SIN3A: variants seen among roughly 807,000 people sequenced by gnomAD.
The protein encoded by SIN3A is paired amphipathic helix protein Sin3a.
SIN3A carries 14 observed loss-of-function variants against 146.1 expected under a neutral mutation model. That is an observed-to-expected ratio of 0.10 (90% confidence interval 0.06 to 0.15). The LOEUF is 0.15. SIN3A is among the 10% of genes least tolerant of loss of function. The probability of loss-of-function intolerance (pLI) is 1.00; values close to 1 mark genes in which losing one functional copy is unlikely to be tolerated. For synonymous variants in SIN3A, 572 were observed against 572.0 expected (o/e 1.00, Z 0.00); for missense variants, 1,028 against 1,576.0 (o/e 0.65, Z 5.89).
At chr15:75,377,283 A>G (rs1312732446) in intron 19 of SIN3A, among the ~76,000 whole-genome samples, 1 of 152,134 alleles carries the variant, frequency 6.6e-6, no homozygotes, top group Non-Finnish European at 1.5e-5. Context: ...TGAACTTCAC[A>G]CTGACCATAC....
chr15:75,384,249 C>T lies in SIN3A; in HGVS notation c.3195+15G>A, dbSNP rs1322885440. 6.3e-7 allele frequency: 1 copy of T among 1,587,546 alleles called. No homozygotes were observed. Among genetic ancestry groups the T allele is most frequent in the Non-Finnish European group, 8.6e-7 (1 of 1,165,372 alleles). ...TGTCACCAGCAAGGTCTTCGACTACCTGACCAACTCTCACCTTAAAGCAAT... is the reference window on the plus strand; with the variant it reads ...TGTCACCAGCAAGGTCTTCGACTACTTGACCAACTCTCACCTTAAAGCAAT... On this transcript the variant is annotated intron_variant, in intron 17 of 20. Coordinates refer to ENST00000394947, the MANE Select transcript of SIN3A (RefSeq NM_001145358.2).
intron 8 of SIN3A, among the ~76,000 whole-genome samples, 160 bp downstream of exon 8, chr15:75,409,676 G>A (rs536064871): frequency 1.3e-5 from 2 of 152,046 alleles, no homozygotes; most frequent in South Asian, 2.1e-4. Context: ...GCAGTGAGCC[G>A]AGATCGTGCC....
intron 15 of SIN3A, among the ~76,000 whole-genome samples, chr15:75,391,613 A>C (rs1024202777): frequency 2.0e-5 from 3 of 152,190 alleles, no homozygotes; most frequent in Non-Finnish European, 4.4e-5. Context: ...CAAGTACCTA[A>C]TTTATGACGT....
chr15:75,444,722 TTACTACTGTAGG>T (rs2074274889), intron 1 of SIN3A, among the ~76,000 whole-genome samples: 1 of 152,186 alleles, frequency 6.6e-6, no homozygotes, highest in Admixed American at 6.5e-5. Context: ...CAGACATTTC[TTACTACTGTAGG>T]TAGAAAATGA....
chr15:75,399,858 G>A (rs1444061811), intron 12 of SIN3A, among the ~76,000 whole-genome samples, 182 bp downstream of exon 12: 2 of 152,202 alleles, frequency 1.3e-5, no homozygotes, highest in Non-Finnish European at 2.9e-5. Context: ...TTGCCATAAA[G>A]CATGTACTAA....
chr15:75,393,529 C>A (rs1276162598), intron 14 of SIN3A, among the ~76,000 whole-genome samples: 1 of 152,082 alleles, frequency 6.6e-6, no homozygotes, highest in Non-Finnish European at 1.5e-5. Context: ...AAGTGCACCA[C>A]CATGCCAGGC....
At position 75,392,275 on chromosome 15, in the gene SIN3A, T is replaced by G; in HGVS notation, c.2818A>C (p.Ser940Arg). The G allele has an allele frequency of 1.2e-6, 2 of 1,614,058 alleles. No homozygotes were observed. The highest frequency in any genetic ancestry group is 1.7e-6 in the Non-Finnish European group (2 of 1,179,892). ...VLGIKRDKSD[S>R]PAIQLRLKEP... is the part of the protein sequence containing the mutation. ...TTGAGACGTAGCTGAATGGCAGGGC[T>G]GTCACTCTTGTCTCGCTTTATGCCC... Residue 940 changes from serine (S) to arginine (R), a missense_variant, in exon 15 of 21, where the codon AGC becomes CGC. Ser to Arg is a moderately radical substitution (Grantham distance 110). Around this residue, in one of 9 missense-constraint regions of SIN3A, gnomAD observed 488 missense variants for 690.2 expected, o/e 0.71. Transcript: ENST00000394947.
chr15:75,417,778 T>C (rs1432946318), intron 3 of SIN3A, among the ~76,000 whole-genome samples: 1 of 152,216 alleles, frequency 6.6e-6, no homozygotes, highest in Non-Finnish European at 1.5e-5. Context: ...ACAAAATTCT[T>C]ACATCGAAAC....
chr15:75,442,203 T>C (rs977975086), intron 1 of SIN3A, among the ~76,000 whole-genome samples: 1 of 149,708 alleles, frequency 6.7e-6, no homozygotes, highest in Non-Finnish European at 1.5e-5. Flanking sequence ...ACCATCTTTA[T>C]ACATATACGT....
intron 9 of SIN3A, among the ~76,000 whole-genome samples, chr15:75,403,448 A>G (rs1198537923): frequency 1.3e-4 from 20 of 151,968 alleles, no homozygotes; most frequent in Non-Finnish European, 1.3e-4. Flanking sequence ...AAATACCATA[A>G]TAACAATTTA....
At chr15:75,427,105 G>A (rs2073938035) in intron 2 of SIN3A, among the ~76,000 whole-genome samples, 1 of 152,218 alleles carries the variant, frequency 6.6e-6, no homozygotes, top group African/African-American at 2.4e-5. Context: ...GGGTGCAGTG[G>A]CTCACACCTG....
intron 5 of SIN3A, 114 bp from the exon 6 acceptor site, chr15:75,411,857 G>A: frequency 8.6e-7 from 1 of 1,166,336 alleles, no homozygotes; most frequent in African/African-American, 1.5e-5. Flanking sequence ...TACTCACTCA[G>A]GCCAGGTCAT....
At chr15:75,408,230 G>A (rs1172346161) in intron 8 of SIN3A, among the ~76,000 whole-genome samples, 1 of 152,194 alleles carries the variant, frequency 6.6e-6, no homozygotes, top group African/African-American at 2.4e-5. Context: ...CAAGCATGGA[G>A]TGTATCTACT....
intron 1 of SIN3A, among the ~76,000 whole-genome samples, chr15:75,438,699 A>G (rs1380845122): frequency 2.0e-5 from 3 of 152,146 alleles, no homozygotes; most frequent in Non-Finnish European, 4.4e-5. Context: ...AAAAAAACAA[A>G]AGTCTATCCT....
At chr15:75,385,475 C>G (rs2073060419) in intron 16 of SIN3A, among the ~76,000 whole-genome samples, 3 of 152,176 alleles carry the variant, frequency 2.0e-5, no homozygotes, top group African/African-American at 7.2e-5. Flanking sequence ...TCTTAGGAAA[C>G]TAATGACTAG....
Position 75,392,682 on chromosome 15 carries a change from A to G in SIN3A, c.2411T>C (p.Ile804Thr). 3 of 1,614,206 alleles carry G rather than the reference A, an allele frequency of 1.9e-6. No homozygotes were observed. The highest frequency in any genetic ancestry group is 2.5e-6 in the Non-Finnish European group (3 of 1,180,042). ...TATCTTATATTTGTCCTCCTTCTGA[A>G]TGCCTGTCTGCCTCTTCACATGGTG... is the stretch of plus-strand genomic sequence containing the variant. ...IIHHVKRQTG[I>T]QKEDKYKIKQ... Residue 804 changes from isoleucine (I) to threonine (T), a missense_variant, in exon 15 of 21, where the codon ATT becomes ACT. Ile to Thr is a moderately conservative substitution (Grantham distance 89, BLOSUM62 -1). Coordinates refer to ENST00000394947, the MANE Select transcript of SIN3A (RefSeq NM_001145358.2).
chr15:75,451,287 C>T (rs1301444134), intron 1 of SIN3A, 136 bp downstream of exon 1: 2 of 126,136 alleles, frequency 1.6e-5, no homozygotes, highest in African/African-American at 3.0e-5. Context: ...CCCCCTCACA[C>T]AACCACACAC....
chr15:75,454,281 G>A (rs952403139), upstream of SIN3A, among the ~76,000 whole-genome samples: 4 of 152,244 alleles, frequency 2.6e-5, no homozygotes, highest in African/African-American at 9.6e-5. Flanking sequence ...CTAGCCAGTG[G>A]AAGACAAGAG....
At chr15:75,385,983 T>C (rs1011274984) in intron 16 of SIN3A, among the ~76,000 whole-genome samples, 3 of 152,194 alleles carry the variant, frequency 2.0e-5, no homozygotes, top group East Asian at 1.9e-4. Context: ...AAAAAACAGA[T>C]GGAAAGCATG....
Sources: gnomAD v4.1 joint callset for allele counts (sites outside exome capture counted in the v4.1 genomes callset) on GRCh38, gnomAD v4.1.1 for gene constraint, gnomAD v4.1.1 regional missense constraint, MANE v1.5 for transcripts, NCBI Gene and HGNC (gene_info 2026-07-23, HGNC 2026-07-21) for gene names.